The following DPP6 variants were observed in gnomAD, a reference collection of about 807,000 sequenced individuals.
DPP6 encodes A-type potassium channel modulatory protein DPP6.
Under a neutral mutation model 122.6 loss-of-function variants are expected in DPP6, and 69 were observed. That is an observed-to-expected ratio of 0.56 (90% confidence interval 0.46 to 0.69). The LOEUF (loss-of-function observed/expected upper bound fraction) is 0.69, where lower values mean the gene tolerates loss of function less well. DPP6 is among the 30% of genes least tolerant of loss of function. The pLI is 0.00. For synonymous variants in DPP6, 418 were observed against 433.1 expected (o/e 0.97, Z 0.43); for missense variants, 928 against 1,116.9 (o/e 0.83, Z 2.41).
At chr7:154,702,388 T>C (rs1563120478) in intron 7 of DPP6, among the ~76,000 whole-genome samples, 1 of 152,272 alleles carries the variant, frequency 6.6e-6, no homozygotes, top group Non-Finnish European at 1.5e-5. Flanking sequence ...AGCACCACGA[T>C]AGGCTGAAAG....
intron 1 of DPP6, among the ~76,000 whole-genome samples, chr7:154,233,135 A>G (rs2150855350): frequency 6.6e-6 from 1 of 152,330 alleles, no homozygotes; most frequent in East Asian, 1.9e-4. Context: ...GCTGTGAATT[A>G]GAGTAGTTTG....
chr7:153,748,179 G>C, the DPP6 span, among the ~76,000 whole-genome samples: 1 of 152,142 alleles, frequency 6.6e-6, no homozygotes, highest in Non-Finnish European at 1.5e-5. Flanking sequence ...CTGTGCTAAC[G>C]AGCCCGGGTG....
Position 154,033,148 on chromosome 7 carries a change from C to T in DPP6, c.51+145414C>T, listed in dbSNP as rs185461777. On this transcript the variant is annotated intron_variant, in intron 1 of 25. Coordinates refer to the DPP6 transcript ENST00000404039. ...AAGCATTTATTTGCCCAGTACCCCACAAGTGATAGAATCTGAGTCCAGAGG... is the reference window on the plus strand; with the variant it reads ...AAGCATTTATTTGCCCAGTACCCCATAAGTGATAGAATCTGAGTCCAGAGG... Among the ~76,000 whole-genome samples, 193 of 152,288 alleles carry T rather than the reference C, an allele frequency of 1.3e-3. 2 individuals carry two copies. The highest frequency in any genetic ancestry group is 4.5e-3 in the African/African-American group (185 of 41,544).
intron 1 of DPP6, among the ~76,000 whole-genome samples, chr7:153,958,853 C>G (rs1024382430): frequency 6.6e-6 from 1 of 151,614 alleles, no homozygotes. Flanking sequence ...TCAGCACCTG[C>G]GAACACAGAC....
At chr7:153,940,756 C>T (rs1801659790) in intron 1 of DPP6, among the ~76,000 whole-genome samples, 1 of 152,192 alleles carries the variant, frequency 6.6e-6, no homozygotes, top group African/African-American at 2.4e-5. Flanking sequence ...AGTTACCACT[C>T]CAGCTGCCAC....
At chr7:154,148,636 C>T (rs138757630) in intron 1 of DPP6, among the ~76,000 whole-genome samples, 98 of 152,204 alleles carry the variant, frequency 6.4e-4, no homozygotes, top group East Asian at 6.3e-3. Flanking sequence ...ATGCTCACAG[C>T]CTGCTCACTA....
At chr7:154,848,379 T>G (rs569221897) in intron 16 of DPP6, among the ~76,000 whole-genome samples, 2 of 152,334 alleles carry the variant, frequency 1.3e-5, no homozygotes, top group Admixed American at 6.5e-5. Context: ...AGGTGTGAGA[T>G]GATATCTTAT....
chr7:154,471,456 A>T (rs112170599), intron 2 of DPP6, among the ~76,000 whole-genome samples: 5,786 of 152,178 alleles, frequency 0.038, 390 homozygotes, highest in African/African-American at 0.13. Flanking sequence ...GTTGGTTTTC[A>T]TGAGAGACCA....
chr7:153,866,184 G>A, the DPP6 span, among the ~76,000 whole-genome samples: 1 of 152,052 alleles, frequency 6.6e-6, no homozygotes, highest in African/African-American at 2.4e-5. Context: ...GGGATGGCTG[G>A]GTCAAATGGT....
Position 154,884,968 on chromosome 7 carries a change from C to G in DPP6, c.2134-665C>G, listed in dbSNP as rs146572147. The G allele has an allele frequency of 2.5e-3, 379 of 152,276 alleles. 1 individual carries two copies. The highest frequency in any genetic ancestry group is 3.7e-3 in the Non-Finnish European group (250 of 68,116). 9.4% of individuals were successfully genotyped at this position (152,276 alleles called of 1,614,324 possible). A position where few individuals can be genotyped will look rare whatever the true frequency, so the allele number is the denominator to read the frequency against. ...GTCTCTCACACATACCTGACAGTTC[C>G]GTGCTGTCCCGTTTCCCTCGGGGTC... On this transcript the variant is annotated intron_variant, in intron 21 of 25. Transcript: ENST00000377770.
chr7:154,599,447 ACTTT>A (rs916487949), intron 5 of DPP6, among the ~76,000 whole-genome samples: 39 of 152,028 alleles, frequency 2.6e-4, no homozygotes, highest in African/African-American at 5.8e-4. Flanking sequence ...TAAGGCAAGA[ACTTT>A]CTTTCTTTCT....
chr7:154,366,978 A>G (rs1255501996), intron 1 of DPP6, among the ~76,000 whole-genome samples: 1 of 152,142 alleles, frequency 6.6e-6, no homozygotes, highest in African/African-American at 2.4e-5. Context: ...TGTCTTTGAG[A>G]TGCTCTTCGA....
chr7:153,887,820 C>A, intron 1 of DPP6: 1 of 1,454,220 alleles, frequency 6.9e-7, no homozygotes. Flanking sequence ...TTCTCAGTCC[C>A]GAACCTCCCT....
intron 3 of DPP6, among the ~76,000 whole-genome samples, chr7:154,510,614 G>A (rs1825990533): frequency 6.6e-6 from 1 of 151,632 alleles, no homozygotes; most frequent in Admixed American, 6.6e-5. Flanking sequence ...CAGGAGAATC[G>A]CTTGAACCTG....
intron 1 of DPP6, among the ~76,000 whole-genome samples, chr7:154,157,127 T>A (rs567033536): frequency 6.6e-6 from 1 of 152,278 alleles, no homozygotes; most frequent in Non-Finnish European, 1.5e-5. Context: ...TCTGAACATT[T>A]CTACTTGCTG....
intron 1 of DPP6, among the ~76,000 whole-genome samples, chr7:153,907,454 A>G (rs1349824919): frequency 6.6e-6 from 1 of 152,238 alleles, no homozygotes; most frequent in African/African-American, 2.4e-5. Context: ...ATTTGAATAA[A>G]TGATATTATC....
intron 1 of DPP6, among the ~76,000 whole-genome samples, chr7:153,926,938 G>T (rs1194812381): frequency 6.6e-6 from 1 of 151,836 alleles, no homozygotes; most frequent in Non-Finnish European, 1.5e-5. Context: ...CACATTCATT[G>T]TAAGAAATTC....
intron 25 of DPP6, chr7:154,890,359 G>C (rs1806493750): frequency 6.6e-6 from 1 of 152,298 alleles, no homozygotes; most frequent in Non-Finnish European, 1.5e-5. Flanking sequence ...CCACCTGTGG[G>C]CTTGATCAGG....
chr7:153,789,980 C>T, the DPP6 span, among the ~76,000 whole-genome samples: 10 of 149,008 alleles, frequency 6.7e-5, no homozygotes, highest in South Asian at 2.2e-4. Context: ...TTATCTGAGT[C>T]GGATGGAAAA....
Sources: gnomAD v4.1 joint callset for allele counts (sites outside exome capture counted in the v4.1 genomes callset) on GRCh38, gnomAD v4.1.1 for gene constraint, MANE v1.5 for transcripts, NCBI Gene and HGNC (gene_info 2026-07-23, HGNC 2026-07-21) for gene names.